Variants in GPA33 observed in about 807,000 individuals in gnomAD.
The protein encoded by GPA33 is glycoprotein A33, also known as cell surface A33 antigen.
In GPA33, 27 loss-of-function variants were observed where a neutral mutation model predicts 35.6. The observed-to-expected ratio is 0.76, with a 90% CI of 0.56 to 1.04. The LOEUF (loss-of-function observed/expected upper bound fraction) is 1.04, where lower values mean the gene tolerates loss of function less well. GPA33 is among the 50% of genes least tolerant of loss of function. The pLI is 0.00. For synonymous variants in GPA33, 176 were observed against 164.0 expected, an observed-to-expected ratio of 1.07 and a Z score of -0.56; for missense variants, 428 against 411.9, an observed-to-expected ratio of 1.04 and a Z score of -0.34.
rs1382046023 is a variant in GPA33 at position 167,054,381 on chromosome 1, C to T, written c.913G>A (p.Glu305Lys). Residue 305 changes from glutamate to lysine, a missense_variant, in exon 7 of 7, where the codon GAG (glutamate) becomes AAG (lysine). Physicochemically the swap from Glu to Lys is moderately conservative, Grantham distance 56. Transcript: ENST00000367868. ...REEEDDYRQE[E>K]QRSTGRESPD... Reference sequence around the variant, plus strand: ...GATTCACGCCCAGTGCTCCTCTGCTCTTCTTGCCTGTAGTCATCCTCCTCC... The same window carrying T: ...GATTCACGCCCAGTGCTCCTCTGCTTTTCTTGCCTGTAGTCATCCTCCTCC... 2 of 1,614,178 alleles carry T rather than the reference C, an allele frequency of 1.2e-6. No individual in the cohort carries two copies. The highest frequency in any genetic ancestry group is 8.5e-7 in the Non-Finnish European group (1 of 1,180,022).
chr1:167,055,971 GC>G, intron 4 of GPA33, 122 bp from the exon 5 acceptor site: 1 of 948,574 alleles, frequency 1.1e-6, no homozygotes, highest in Non-Finnish European at 1.6e-6. Flanking sequence ...TCAGGCCGGA[GC>G]CCCATGTCCA....
rs372593751 is a variant in GPA33, at chr1:167,055,715, G to T, written c.691+15C>A. The stretch of plus-strand genomic sequence containing the variant: ...TGTGGCGTTTGTCAGCCCTCCCCCC[G>T]CAGGCTGCTCTTACGAGATCTGACG... On this transcript the variant is annotated intron_variant, in intron 5 of 6. Transcript: ENST00000367868. 19 of 1,612,934 alleles carry T rather than the reference G, an allele frequency of 1.2e-5. No individual in the cohort carries two copies. Among genetic ancestry groups the T allele is most frequent in the East Asian group, 8.9e-5 (4 of 44,888 alleles).
At chr1:167,075,160 C>G (rs1023552205) in intron 1 of GPA33, among the ~76,000 whole-genome samples, 15 of 152,088 alleles carry the variant, frequency 9.9e-5, no homozygotes, top group African/African-American at 3.1e-4. Flanking sequence ...CTCAGCCTCC[C>G]AAAGTGCTGG....
At chr1:167,079,580 TA>T (rs1187968494) in intron 1 of GPA33, among the ~76,000 whole-genome samples, 2 of 152,200 alleles carry the variant, frequency 1.3e-5, no homozygotes, top group Non-Finnish European at 2.9e-5. Flanking sequence ...AGAAGCATCT[TA>T]AAAAGCTCAT....
At chr1:167,054,754 G>GC (rs1375942272) in intron 6 of GPA33, among the ~76,000 whole-genome samples, 1 of 152,176 alleles carries the variant, frequency 6.6e-6, no homozygotes, top group Non-Finnish European at 1.5e-5. Flanking sequence ...GCCACAGGAA[G>GC]CCCGGCCCTG....
chr1:167,056,863 GT>G (rs1666312815), intron 4 of GPA33, among the ~76,000 whole-genome samples: 1 of 6,026 alleles, frequency 1.7e-4, no homozygotes, highest in African/African-American at 5.5e-4. Flanking sequence ...TGTGGTGTGT[GT>G]GTGGTGTGTG....
chr1:167,082,863 G>T (rs1330654463), intron 1 of GPA33, among the ~76,000 whole-genome samples: 7 of 152,188 alleles, frequency 4.6e-5, no homozygotes, highest in African/African-American at 1.7e-4. Flanking sequence ...TGAGGAAGCA[G>T]TCCAAAGGTC....
At chr1:167,059,330 A>T (rs1456719319) in intron 4 of GPA33, among the ~76,000 whole-genome samples, 3 of 152,094 alleles carry the variant, frequency 2.0e-5, no homozygotes, top group Non-Finnish European at 4.4e-5. Flanking sequence ...CAGTGGCGAC[A>T]CCTTGTGGTC....
Position 167,063,703 on chromosome 1 carries a change from T to C in GPA33, c.450A>G (p.Gly150=), listed in dbSNP as rs777536644. The change falls in exon 4 of 7, where the codon GGA becomes GGG. Residue 150 remains glycine, a synonymous_variant. Coordinates refer to ENST00000367868, the MANE Select transcript of GPA33 (RefSeq NM_005814.3). The part of the protein sequence containing the change: ...PPSKPECGIE[G]ETIIGNNIQL... Reference sequence around the variant, plus strand: ...GGATGTTGTTCCCAATTATGGTCTCTCCCTCGATGCCGCATTCTGGTTTGG... The same window carrying C: ...GGATGTTGTTCCCAATTATGGTCTCCCCCTCGATGCCGCATTCTGGTTTGG... The C allele has an allele frequency of 7.4e-6, 12 of 1,613,350 alleles. No homozygotes were observed. In the African/African-American group the frequency reaches 1.5e-4, roughly 20 times the overall value.
chr1:167,061,824 G>A (rs1208607164), intron 4 of GPA33, among the ~76,000 whole-genome samples: 1 of 152,066 alleles, frequency 6.6e-6, no homozygotes, highest in East Asian at 1.9e-4. Context: ...GGATGGTCTC[G>A]ATCTCCTGAC....
At chr1:167,056,661 C>A (rs55697348) in intron 4 of GPA33, among the ~76,000 whole-genome samples, 1 of 1,626 alleles carries the variant, frequency 6.2e-4, no homozygotes, top group Non-Finnish European at 1.3e-3. Flanking sequence ...GTGTGTGGTA[C>A]GGTGAGTGTG....
chr1:167,059,856 T>C (rs78403627), intron 4 of GPA33, among the ~76,000 whole-genome samples: 1 of 152,186 alleles, frequency 6.6e-6, no homozygotes, highest in Non-Finnish European at 1.5e-5. Context: ...TGTTTCCTGA[T>C]TCTGGATTCC....
In GPA33 at chr1:167,055,106, T is replaced by C. The variant is rs964109007; in HGVS notation, c.697A>G (p.Met233Val). Residue 233 changes from methionine to valine, a missense_variant, in exon 6 of 7, where the codon ATG becomes GTG. Physicochemically the swap from Met to Val is conservative, Grantham distance 21. Transcript: ENST00000367868. ...NITVAVRSPS[M>V]NVALYVGIAV... is the part of the protein sequence containing the mutation. ...ATGCCCACATACAGGGCCACGTTCA[T>C]GGAGGCTGCAAGAGGACAGAGCAGC... The C allele has an allele frequency of 1.9e-6, 3 of 1,612,016 alleles. No homozygotes were observed. Among genetic ancestry groups the C allele is most frequent in the African/African-American group, 2.7e-5 (2 of 74,610 alleles).
At chr1:167,076,696 T>C (rs1421673443) in intron 1 of GPA33, among the ~76,000 whole-genome samples, 1 of 152,116 alleles carries the variant, frequency 6.6e-6, no homozygotes, top group Non-Finnish European at 1.5e-5. Context: ...ATATTGGGAA[T>C]GAGAGACAGG....
At chr1:167,057,588 A>G (rs1454674792) in intron 4 of GPA33, among the ~76,000 whole-genome samples, 1 of 152,206 alleles carries the variant, frequency 6.6e-6, no homozygotes, top group African/African-American at 2.4e-5. Context: ...CAATCATACC[A>G]GCTTTGCCTC....
chr1:167,088,182 G>A (rs962374867), intron 1 of GPA33, among the ~76,000 whole-genome samples: 1 of 152,102 alleles, frequency 6.6e-6, no homozygotes, highest in Admixed American at 6.6e-5. Flanking sequence ...TGGAACCCAA[G>A]TCAAGCTCCA....
intron 3 of GPA33, among the ~76,000 whole-genome samples, chr1:167,067,150 C>T (rs928233144): frequency 2.6e-5 from 4 of 151,904 alleles, no homozygotes; most frequent in East Asian, 1.9e-4. Context: ...TGTTTGTTTG[C>T]TTGCTTGCTC....
chr1:167,089,303 C>T (rs1267661306), intron 1 of GPA33, among the ~76,000 whole-genome samples: 1 of 152,124 alleles, frequency 6.6e-6, no homozygotes, highest in Non-Finnish European at 1.5e-5. Flanking sequence ...AAACCAGTCT[C>T]CTGGTTTCCA....
chr1:167,065,818 T>G (rs1438457520), intron 3 of GPA33, among the ~76,000 whole-genome samples: 1 of 152,142 alleles, frequency 6.6e-6, no homozygotes, highest in Admixed American at 6.5e-5. Flanking sequence ...GGATGGTTCC[T>G]AAACATAAGA....
Sources: allele counts gnomAD v4.1 joint callset (sites outside exome capture counted in the v4.1 genomes callset), GRCh38; gene constraint gnomAD v4.1.1; transcripts MANE v1.5; gene names NCBI Gene and HGNC (gene_info 2026-07-23, HGNC 2026-07-21).